The following PPP5C variants were observed in gnomAD, a reference collection of about 807,000 sequenced individuals.
The protein encoded by PPP5C is serine/threonine-protein phosphatase 5.
Under a neutral mutation model 66.7 loss-of-function variants are expected in PPP5C, and 21 were observed. The ratio of observed to expected loss-of-function variants is 0.31; its 90% CI spans 0.22 to 0.45. The LOEUF is 0.45. PPP5C is among the 20% of genes least tolerant of loss of function. The pLI is 1.00. For missense variants in PPP5C, 464 were observed against 675.9 expected, an observed-to-expected ratio of 0.69 and a Z score of 3.48; for synonymous variants, 246 against 257.4, an observed-to-expected ratio of 0.96 and a Z score of 0.43.
intron 4 of PPP5C, chr19:46,382,250 C>T (rs1294192833): frequency 6.6e-6 from 1 of 152,228 alleles, no homozygotes; most frequent in Non-Finnish European, 1.5e-5. Context: ...GCAGGGCATC[C>T]CGCCCTGCTG....
Position 46,390,778 on chromosome 19 carries a change from T to G in PPP5C, c.*432T>G. Reference sequence around the variant, plus strand: ...CTATAGCCCCATGGTGGGGCTAGGCTGGGGCTCACCCCCCTCCCCAGCTAT... The same window carrying G: ...CTATAGCCCCATGGTGGGGCTAGGCGGGGGCTCACCCCCCTCCCCAGCTAT... On this transcript the variant is annotated 3_prime_UTR_variant, in exon 13 of 13. Coordinates refer to ENST00000012443, the MANE Select transcript of PPP5C (RefSeq NM_006247.4). 8.9e-7 allele frequency: 1 copy of G among 1,129,852 alleles called. No homozygotes were observed. Among genetic ancestry groups the G allele is most frequent in the Non-Finnish European group, 1.1e-6 (1 of 911,244 alleles). The allele number at this position is 1,129,852 out of a possible 1,614,324, so 70.0% of individuals were successfully genotyped here. A position where few individuals can be genotyped will look rare whatever the true frequency, so the allele number is the denominator to read the frequency against.
intron 1 of PPP5C, 90 bp downstream of exon 1, chr19:46,347,307 T>G: frequency 6.8e-7 from 1 of 1,468,758 alleles, no homozygotes; most frequent in Non-Finnish European, 9.0e-7. Flanking sequence ...AGCTGCAGCC[T>G]GGGCGCGGGG....
Position 46,352,444 on chromosome 19 carries a change from C to G in PPP5C, c.122-1304C>G, listed in dbSNP as rs1432024630. Among the ~76,000 whole-genome samples, 3 of 152,310 alleles carry G rather than the reference C, an allele frequency of 2.0e-5. No homozygotes were observed. The East Asian group carries it at 5.8e-4, about 29-fold the overall frequency. On this transcript the variant is annotated intron_variant, in intron 1 of 12. Coordinates refer to ENST00000012443, the MANE Select transcript of PPP5C (RefSeq NM_006247.4). ...CCACCTACTCCTGCCTCTGTGCTTA[C>G]CCCTGTGCCACGCTCCTGCCCAGAG...
At chr19:46,384,502 G>A (rs995883179) in intron 6 of PPP5C, 50 of 362,054 alleles carry the variant, frequency 1.4e-4, no homozygotes, top group Non-Finnish European at 2.1e-4. Context: ...AGAGCTGAAG[G>A]AGGTGGACTG....
At chr19:46,366,566 G>T (rs570550898) in intron 2 of PPP5C, among the ~76,000 whole-genome samples, 1 of 152,020 alleles carries the variant, frequency 6.6e-6, no homozygotes, top group Admixed American at 6.6e-5. Context: ...GGCTGATCTC[G>T]AACTCCTGGA....
At chr19:46,364,927 CG>C (rs1025841650) in intron 2 of PPP5C, among the ~76,000 whole-genome samples, 1 of 132,072 alleles carries the variant, frequency 7.6e-6, no homozygotes, top group Non-Finnish European at 1.6e-5. Context: ...GGGGCCGGGG[CG>C]GGGGGGCTGT....
At position 46,384,907 on chromosome 19, in the gene PPP5C, G is replaced by A; in HGVS notation, c.902G>A (p.Arg301Gln). Residue 301 changes from arginine (R) to glutamine (Q), a missense_variant and splice_region_variant, in exon 7 of 13, where the codon CGA (arginine) becomes CAA (glutamine). Coordinates refer to ENST00000012443, the MANE Select transcript of PPP5C (RefSeq NM_006247.4). ...LLYPDHFHLL[R>Q]GNHETDNMNQ... ...TACCCAGATCACTTTCACCTCCTTC[G>A]AGGTGAGCTGGGAAGTGACAAGGTT... 1.2e-6 allele frequency: 2 copies of A among 1,611,412 alleles called. No homozygotes were observed. The highest frequency in any genetic ancestry group is 1.7e-6 in the Non-Finnish European group (2 of 1,177,558).
Position 46,390,766 on chromosome 19 carries a change from G to T in PPP5C, c.*420G>T. ...GCGCCTCCCCTCCTATAGCCCCATG[G>T]TGGGGCTAGGCTGGGGCTCACCCCC... On this transcript the variant is annotated 3_prime_UTR_variant, in exon 13 of 13. Transcript: ENST00000012443. The T allele has an allele frequency of 8.8e-7, 1 of 1,133,432 alleles. No homozygotes were observed. Among genetic ancestry groups the T allele is most frequent in the Non-Finnish European group, 1.1e-6 (1 of 913,502 alleles). The allele number at this position is 1,133,432 out of a possible 1,614,324, so 70.2% of individuals were successfully genotyped here. A position where few individuals can be genotyped will look rare whatever the true frequency, so the allele number is the denominator to read the frequency against.
chr19:46,364,437 T>C (rs1972457425), intron 2 of PPP5C, among the ~76,000 whole-genome samples: 1 of 152,134 alleles, frequency 6.6e-6, no homozygotes, highest in South Asian at 2.1e-4. Context: ...AGACCTCTTC[T>C]CTAGTCTCAA....
intron 4 of PPP5C, chr19:46,381,582 A>G (rs1203507108): frequency 6.6e-6 from 1 of 152,080 alleles, no homozygotes; most frequent in Non-Finnish European, 1.5e-5. Flanking sequence ...CCCCACCTCT[A>G]CAAAAAAAAT....
Position 46,388,865 on chromosome 19 carries a change from G to A in PPP5C, c.1355+134G>A, listed in dbSNP as rs1482088920. 5.4e-6 allele frequency: 6 copies of A among 1,104,926 alleles called. No individual in the cohort carries two copies. The highest frequency in any genetic ancestry group is 2.6e-4 in the Middle Eastern group (1 of 3,798). 68.4% of individuals were successfully genotyped at this position (1,104,926 alleles called of 1,614,324 possible). On this transcript the variant is annotated intron_variant, in intron 11 of 12. Transcript: ENST00000012443. The surrounding 1 kb of genome is among the most constrained non-coding windows in gnomAD (Gnocchi z 4.9). ...ATAAAAGAACATGACGAACACCCCC[G>A]TATGTGTCACCCACCCATGCAGCAC...
At chr19:46,386,780 T>C (rs1972896076) in intron 7 of PPP5C, 1 of 386,980 alleles carries the variant, frequency 2.6e-6, no homozygotes, top group Non-Finnish European at 4.9e-6. Context: ...GCCCAGCTAA[T>C]TTTTAAAATT....
chr19:46,353,061 A>G (rs1176162621), intron 1 of PPP5C, among the ~76,000 whole-genome samples: 1 of 152,144 alleles, frequency 6.6e-6, no homozygotes, highest in East Asian at 1.9e-4. Context: ...CTGCCTGTCA[A>G]ATGGGCACGA....
In PPP5C at chr19:46,375,586, C is replaced by T; in HGVS notation, c.364-18C>T. 4.3e-6 allele frequency: 7 copies of T among 1,613,378 alleles called. No individual in the cohort carries two copies. Among genetic ancestry groups the T allele is most frequent in the Non-Finnish European group, 5.1e-6 (6 of 1,179,578 alleles). ...CCCACCTCAGCCTCAGTGTGCACGC[C>T]CCTTCCCTCCCACCCAGGTGGTCAA... On this transcript the variant is annotated intron_variant, in intron 2 of 12. Coordinates refer to ENST00000012443, the MANE Select transcript of PPP5C (RefSeq NM_006247.4).
At chr19:46,363,219 A>G (rs1219777243) in intron 2 of PPP5C, among the ~76,000 whole-genome samples, 4 of 123,556 alleles carry the variant, frequency 3.2e-5, no homozygotes, top group South Asian at 3.1e-4. Flanking sequence ...GAGGCAGGAG[A>G]ATGGCGTGAA....
At chr19:46,377,037 G>A (rs1375642447) in intron 4 of PPP5C, among the ~76,000 whole-genome samples, 1 of 152,142 alleles carries the variant, frequency 6.6e-6, no homozygotes, top group Non-Finnish European at 1.5e-5. Context: ...TATCCCATCT[G>A]GACAAGGCCC....
intron 7 of PPP5C, chr19:46,386,788 A>G (rs1972896194): frequency 2.5e-6 from 1 of 405,524 alleles, no homozygotes; most frequent in Non-Finnish European, 4.6e-6. Context: ...AATTTTTAAA[A>G]TTGTTTTATA....
In PPP5C at chr19:46,349,888, CA is replaced by C. The variant is rs1432718543; in HGVS notation, c.121+2674del. Among the ~76,000 whole-genome samples, 6 of 151,958 alleles carry C rather than the reference CA, an allele frequency of 3.9e-5. No homozygotes were observed. In the East Asian group the frequency reaches 1.2e-3, roughly 29 times the overall value. ...AAAACAAAAACAGGTGGCAAAGGCCCAAAGGTGAGCAGAGCCAGGCATGGAG... is the reference window on the plus strand; with the variant it reads ...AAAACAAAAACAGGTGGCAAAGGCCCAAGGTGAGCAGAGCCAGGCATGGAG... On this transcript the variant is annotated intron_variant, in intron 1 of 12. Transcript: ENST00000012443.
chr19:46,374,678 GC>G (rs1474548039), intron 2 of PPP5C, among the ~76,000 whole-genome samples: 1 of 152,200 alleles, frequency 6.6e-6, no homozygotes, highest in Non-Finnish European at 1.5e-5. Flanking sequence ...CTGGTCATCA[GC>G]GCAGCAGCCC....
Sources: allele counts gnomAD v4.1 joint callset (sites outside exome capture counted in the v4.1 genomes callset), GRCh38; gene constraint gnomAD v4.1.1; non-coding constraint Gnocchi (gnomAD v3.1); transcripts MANE v1.5; gene names NCBI Gene and HGNC (gene_info 2026-07-23, HGNC 2026-07-21).